Variants in AMZ1 observed in about 807,000 individuals in gnomAD.
AMZ1 encodes the protein archaelysin family metallopeptidase 1.
Under a neutral mutation model 29.9 loss-of-function variants are expected in AMZ1, and 39 were observed. That is an observed-to-expected ratio of 1.30 (90% CI 1.01 to 1.70). The LOEUF (loss-of-function observed/expected upper bound fraction) is 1.70. Ranked by LOEUF, AMZ1 falls within the 40% of genes most tolerant of loss-of-function variation. The probability of loss-of-function intolerance (pLI) is 0.00; values close to 1 mark genes in which losing one functional copy is unlikely to be tolerated. For missense variants in AMZ1, 1,041 were observed against 680.6 expected, an observed-to-expected ratio of 1.53 and a Z score of -5.89; for synonymous variants, 458 against 304.0, an observed-to-expected ratio of 1.51 and a Z score of -5.27.
rs575489628 is a variant in AMZ1, at chr7:2,708,176, G to T, written c.473-412G>T. On this transcript the variant is annotated intron_variant, in intron 3 of 6. Transcript: ENST00000683327. The stretch of plus-strand genomic sequence containing the variant: ...GCTCAGCTGGCTGCTGCAGAAAAAC[G>T]CCTCCATCCCAAGATCTTTAATCAT... Among the ~76,000 whole-genome samples, 9 of 152,194 alleles carry T rather than the reference G, an allele frequency of 5.9e-5. No individual in the cohort carries two copies. In the South Asian group the frequency reaches 8.3e-4, roughly 14 times the overall value.
intron 4 of AMZ1, among the ~76,000 whole-genome samples, chr7:2,736,961 G>C (rs1790213409): frequency 6.6e-6 from 1 of 152,248 alleles, no homozygotes; most frequent in African/African-American, 2.4e-5. Context: ...ATGAGGGGCT[G>C]ACTCTGGTTC....
At chr7:2,686,796 C>A (rs1481742099), upstream of AMZ1, among the ~76,000 whole-genome samples, 1 of 151,720 alleles carries the variant, frequency 6.6e-6, no homozygotes, top group South Asian at 2.1e-4. Context: ...CTCACTGCAA[C>A]CTCCGCCTCC....
At chr7:2,711,041 C>T (rs768903676) in intron 6 of AMZ1, among the ~76,000 whole-genome samples, 2 of 152,126 alleles carry the variant, frequency 1.3e-5, no homozygotes, top group Non-Finnish European at 2.9e-5. Flanking sequence ...GTGTATGCCC[C>T]TCCCTACACG....
At chr7:2,679,912 C>T (rs1341027758) in intron 1 of AMZ1, among the ~76,000 whole-genome samples, 2 of 152,150 alleles carry the variant, frequency 1.3e-5, no homozygotes, top group African/African-American at 4.8e-5. Context: ...TTGAGGAGGC[C>T]CAGCTGGGGG....
At chr7:2,695,135 A>G (rs1787632676) in intron 1 of AMZ1, among the ~76,000 whole-genome samples, 1 of 152,252 alleles carries the variant, frequency 6.6e-6, no homozygotes, top group African/African-American at 2.4e-5. Flanking sequence ...GCCCCGCTGC[A>G]AGACTTGCCC....
rs1294441828 is a variant in AMZ1 at position 2,714,570 on chromosome 7, CAGA to C, written c.*1695_*1697del. On this transcript the variant is annotated 3_prime_UTR_variant, in exon 7 of 7. Transcript: ENST00000683327. The stretch of plus-strand genomic sequence containing the variant: ...GTGCCGGCAGAGCACCCTGCAGTAA[CAGA>C]AGGTGAAAGCCGGAGCCTGGTGGCT... 1 of 152,294 alleles carries C rather than the reference CAGA, an allele frequency of 6.6e-6. No homozygotes were observed. Among genetic ancestry groups the C allele is most frequent in the African/African-American group, 2.4e-5 (1 of 41,448 alleles). The allele number at this position is 152,294 out of a possible 1,614,324, so 9.4% of individuals were successfully genotyped here. A position where few individuals can be genotyped will look rare whatever the true frequency, so the allele number is the denominator to read the frequency against.
upstream of AMZ1, among the ~76,000 whole-genome samples, chr7:2,759,828 C>T (rs570108618): frequency 2.0e-5 from 3 of 152,304 alleles, no homozygotes; most frequent in East Asian, 1.9e-4. Context: ...GTTTCTGCAA[C>T]GGGTGCAGAT....
intron 4 of AMZ1, among the ~76,000 whole-genome samples, chr7:2,737,328 G>A (rs182012018): frequency 3.5e-4 from 43 of 122,932 alleles, no homozygotes; most frequent in Middle Eastern, 7.7e-3. Context: ...TCGCCCTGTC[G>A]CCCCGGCTGG....
chr7:2,754,256 G>A (rs1039143437), intron 4 of AMZ1, among the ~76,000 whole-genome samples: 2 of 152,172 alleles, frequency 1.3e-5, no homozygotes, highest in Non-Finnish European at 2.9e-5. Flanking sequence ...ATGTCTTCTC[G>A]TGCTTATGTG....
chr7:2,693,038 C>T (rs900227322), intron 1 of AMZ1, among the ~76,000 whole-genome samples: 1 of 152,212 alleles, frequency 6.6e-6, no homozygotes, highest in Non-Finnish European at 1.5e-5. Context: ...TGATCACCCT[C>T]TCAGGAATGG....
upstream of AMZ1, among the ~76,000 whole-genome samples, chr7:2,684,684 T>C (rs114051771): frequency 0.011 from 1,687 of 152,078 alleles, 39 homozygotes; most frequent in African/African-American, 0.038. Context: ...GTTGGCTGAG[T>C]GAAGCCTTGG....
At chr7:2,735,665 G>A (rs1026049134) in intron 4 of AMZ1, among the ~76,000 whole-genome samples, 19 of 152,296 alleles carry the variant, frequency 1.2e-4, no homozygotes, top group Admixed American at 9.2e-4. Context: ...ACTGAATGAG[G>A]ATGGCTCATT....
upstream of AMZ1, among the ~76,000 whole-genome samples, chr7:2,764,220 G>T (rs568062753): frequency 9.7e-4 from 147 of 151,008 alleles, 1 homozygote; most frequent in African/African-American, 3.5e-3. Context: ...CCACGGGCAC[G>T]TGCCACCTAT....
rs1250515674 is a variant in AMZ1, at chr7:2,713,959, T to C, written c.*1081T>C. ...CTGTCAGTTGCTGAGAGAGGGGTATTATTGCCATGGCTGGGCGTTTGATCT... is the reference window on the plus strand; with the variant it reads ...CTGTCAGTTGCTGAGAGAGGGGTATCATTGCCATGGCTGGGCGTTTGATCT... On this transcript the variant is annotated 3_prime_UTR_variant, in exon 7 of 7. Transcript: ENST00000683327. 6.6e-6 allele frequency: 1 copy of C among 152,226 alleles called. No homozygotes were observed. Among genetic ancestry groups the C allele is most frequent in the East Asian group, 1.9e-4 (1 of 5,206 alleles). 9.4% of individuals were successfully genotyped at this position (152,226 alleles called of 1,614,324 possible).
chr7:2,742,519 G>A (rs1050844150), intron 4 of AMZ1, among the ~76,000 whole-genome samples: 9 of 152,156 alleles, frequency 5.9e-5, no homozygotes, highest in Non-Finnish European at 1.0e-4. Context: ...CACAGACGCT[G>A]TCATTTTCCA....
chr7:2,743,936 T>A, intron 4 of AMZ1, among the ~76,000 whole-genome samples: 1 of 151,812 alleles, frequency 6.6e-6, no homozygotes, highest in East Asian at 1.9e-4. Flanking sequence ...CACAGCAGTC[T>A]GAGATCAAAC....
chr7:2,740,918 G>A (rs1790466212), intron 4 of AMZ1, among the ~76,000 whole-genome samples: 2 of 152,140 alleles, frequency 1.3e-5, no homozygotes, highest in South Asian at 4.1e-4. Flanking sequence ...GGTGGCAGGT[G>A]CCTGTAGTCC....
In AMZ1 at chr7:2,696,467, C is replaced by T. The variant is rs531756128; in HGVS notation, c.-218-3767C>T. ...AGAGACGGGGTTTCACCATGTTAGC[C>T]AGGATGGTCTCGATCTCCTGACCTC... On this transcript the variant is annotated intron_variant, in intron 1 of 6. Coordinates refer to ENST00000683327, the MANE Select transcript of AMZ1 (RefSeq NM_001384743.1). Among the ~76,000 whole-genome samples, 28 of 150,928 alleles carry T rather than the reference C, an allele frequency of 1.9e-4. No homozygotes were observed. The East Asian group carries it at 3.4e-3, about 18-fold the overall frequency.
In AMZ1 at chr7:2,714,461, C is replaced by T. The variant is rs990775297; in HGVS notation, c.*1583C>T. ...AGCATTAGGATCTTCGTCCCGTTCT[C>T]TTTTGCGTAGCTTCAAAAAGGCGTA... On this transcript the variant is annotated 3_prime_UTR_variant, in exon 7 of 7. Transcript: ENST00000683327. The T allele has an allele frequency of 6.6e-6, 1 of 152,338 alleles. No individual in the cohort carries two copies. The highest frequency in any genetic ancestry group is 2.4e-5 in the African/African-American group (1 of 41,432). 9.4% of individuals were successfully genotyped at this position (152,338 alleles called of 1,614,324 possible).
Sources: allele counts gnomAD v4.1 joint callset (sites outside exome capture counted in the v4.1 genomes callset), GRCh38; gene constraint gnomAD v4.1.1; transcripts MANE v1.5; gene names NCBI Gene and HGNC (gene_info 2026-07-23, HGNC 2026-07-21).